Variants in CELSR1 observed in about 807,000 individuals in gnomAD.
The protein encoded by CELSR1 is adhesion G protein-coupled receptor C1.
CELSR1 carries 110 observed loss-of-function variants against 249.1 expected under a neutral mutation model. The observed-to-expected ratio is 0.44, with a 90% confidence interval of 0.38 to 0.52. The LOEUF (loss-of-function observed/expected upper bound fraction) is 0.52. Ranked by LOEUF, CELSR1 falls within the 20% of genes least tolerant of loss-of-function variation. The pLI is 0.00. For missense variants in CELSR1, 4,109 were observed against 4,296.4 expected (o/e 0.96, Z 1.22); for synonymous variants, 2,113 against 1,900.0 (o/e 1.11, Z -2.92).
At chr22:46,385,946 G>A (rs1027995408) in intron 19 of CELSR1, among the ~76,000 whole-genome samples, 2 of 149,490 alleles carry the variant, frequency 1.3e-5, no homozygotes, top group African/African-American at 5.0e-5. Context: ...CAAATTGCTG[G>A]GATTACAGGC....
At chr22:46,467,666 C>T (rs2080111351) in intron 1 of CELSR1, among the ~76,000 whole-genome samples, 2 of 151,786 alleles carry the variant, frequency 1.3e-5, no homozygotes, top group African/African-American at 2.4e-5. Context: ...ACTAACAATA[C>T]AAAAAATTAG....
intron 1 of CELSR1, among the ~76,000 whole-genome samples, chr22:46,465,643 C>T (rs1052315686): frequency 1.1e-4 from 16 of 152,216 alleles, no homozygotes; most frequent in Non-Finnish European, 1.5e-5. Context: ...CCGCACCCGG[C>T]GCTTTCCCAG....
At position 46,428,149 on chromosome 22, in the gene CELSR1, C is replaced by A. The variant is rs373234918; in HGVS notation, c.4611+5244G>T. 3.2e-3 allele frequency among the ~76,000 whole-genome samples: 485 copies of A among 152,330 alleles called. 2 individuals are homozygous for A. Among genetic ancestry groups the A allele is most frequent in the African/African-American group, 0.011 (468 of 41,576 alleles). ...TCAACAGAAGCAGAGGCCGGTCCTC[C>A]GGTTTGTTGCAACCGGGCCTCATGC... On this transcript the variant is annotated intron_variant, in intron 5 of 34. Transcript: ENST00000674500. The surrounding 1 kb of genome is among the most constrained non-coding windows in gnomAD (Gnocchi z 5.7).
At chr22:46,530,644 T>C (rs1300153182) in intron 1 of CELSR1, 1 of 152,236 alleles carries the variant, frequency 6.6e-6, no homozygotes, top group East Asian at 1.9e-4. Context: ...TATTTGAATT[T>C]CACTATCTTC....
intron 2 of CELSR1, among the ~76,000 whole-genome samples, chr22:46,456,386 A>G (rs545520281): frequency 1.0e-3 from 153 of 152,322 alleles, no homozygotes; most frequent in Non-Finnish European, 1.5e-3. Context: ...TAGGCCGGGC[A>G]CGGTGGCTCA....
At chr22:46,466,858 C>T (rs548584301) in intron 1 of CELSR1, among the ~76,000 whole-genome samples, 5 of 152,204 alleles carry the variant, frequency 3.3e-5, no homozygotes, top group South Asian at 2.1e-4. Context: ...GATGAGGTGA[C>T]GAGGGTGGGG....
intron 1 of CELSR1, among the ~76,000 whole-genome samples, chr22:46,503,771 G>A (rs1302801245): frequency 2.6e-5 from 4 of 152,304 alleles, no homozygotes; most frequent in South Asian, 2.1e-4. Flanking sequence ...GTCTCACGCC[G>A]GTAATCCCAG....
rs556357746 is a variant in CELSR1 at position 46,456,661 on chromosome 22, T to TAA, written c.4183+7044_4183+7045dup. On this transcript the variant is annotated intron_variant, in intron 2 of 34. Coordinates refer to ENST00000674500, the MANE Select transcript of CELSR1 (RefSeq NM_001378328.1). ...CTGGGCGACAGAGCGAGACTCTGTCTAAAAAAAAAAAAAAAAAAAAAAAAA... is the reference window on the plus strand; with the variant it reads ...CTGGGCGACAGAGCGAGACTCTGTCTAAAAAAAAAAAAAAAAAAAAAAAAAAA... Among the ~76,000 whole-genome samples, 69 of 60,250 alleles carry TAA rather than the reference T, an allele frequency of 1.1e-3. 1 individual carries two copies. The highest frequency in any genetic ancestry group is 0.012 in the Middle Eastern group (1 of 86). The allele number at this position is 60,250 out of a possible 152,430, so 39.5% of individuals were successfully genotyped here.
intron 1 of CELSR1, among the ~76,000 whole-genome samples, chr22:46,476,706 T>C (rs534538418): frequency 1.1e-4 from 16 of 151,934 alleles, no homozygotes; most frequent in Non-Finnish European, 2.2e-4. Flanking sequence ...ATAATCATGA[T>C]TTCATTGATA....
In CELSR1 at chr22:46,412,106, A is replaced by G. The variant is rs1430359176; in HGVS notation, c.4612-347T>C. Among the ~76,000 whole-genome samples the G allele has an allele frequency of 6.6e-6, 1 of 152,214 alleles. No individual in the cohort carries two copies. The highest frequency in any genetic ancestry group is 1.9e-4 in the East Asian group (1 of 5,188). The stretch of plus-strand genomic sequence containing the variant: ...TGCTGAGATGCAAAGGCACACAGGG[A>G]GAAGCTGCGTGACCGCGGAGGCAGC... On this transcript the variant is annotated intron_variant, in intron 5 of 34. Coordinates refer to ENST00000674500, the MANE Select transcript of CELSR1 (RefSeq NM_001378328.1). The surrounding 1 kb of genome is among the most constrained non-coding windows in gnomAD (Gnocchi z 4.5).
chr22:46,492,277 T>C (rs1345493166), intron 1 of CELSR1, among the ~76,000 whole-genome samples: 2 of 152,316 alleles, frequency 1.3e-5, no homozygotes, highest in East Asian at 1.9e-4. Context: ...CACTTCTCAT[T>C]GTAAAATTCT....
chr22:46,503,535 A>G (rs2080485900), intron 1 of CELSR1, among the ~76,000 whole-genome samples: 1 of 152,240 alleles, frequency 6.6e-6, no homozygotes, highest in Non-Finnish European at 1.5e-5. Context: ...AACTGCATCC[A>G]GCGAGAGGAA....
chr22:46,449,321 C>T (rs531151017), intron 2 of CELSR1, among the ~76,000 whole-genome samples: 23 of 151,004 alleles, frequency 1.5e-4, no homozygotes, highest in Non-Finnish European at 2.9e-4. Flanking sequence ...ATCCATCCAT[C>T]CATCCATCCA....
Position 46,448,139 on chromosome 22 carries a change from G to A in CELSR1, c.4184-8728C>T, listed in dbSNP as rs1209318424. On this transcript the variant is annotated intron_variant, in intron 2 of 34. Transcript: ENST00000674500. This position sits in a 1 kb window ranked among gnomAD's most constrained non-coding sequence, Gnocchi z 5.7. ...CTGGCTTCACAGGGCTTCAGCAAAC[G>A]GCTTACCTGCTGCAGGCGGGGGCTG... Among the ~76,000 whole-genome samples the A allele has an allele frequency of 6.6e-6, 1 of 152,210 alleles. No homozygotes were observed. The highest frequency in any genetic ancestry group is 1.5e-5 in the Non-Finnish European group (1 of 68,038).
rs1228071024 is a variant in CELSR1, at chr22:46,401,049, C to T, written c.5227-1147G>A. Among the ~76,000 whole-genome samples, 1 of 152,022 alleles carries T rather than the reference C, an allele frequency of 6.6e-6. No individual in the cohort carries two copies. The highest frequency in any genetic ancestry group is 6.6e-5 in the Admixed American group (1 of 15,258). On this transcript the variant is annotated intron_variant, in intron 9 of 34. Coordinates refer to ENST00000674500, the MANE Select transcript of CELSR1 (RefSeq NM_001378328.1). This position sits in a 1 kb window ranked among gnomAD's most constrained non-coding sequence, Gnocchi z 4.7. The stretch of plus-strand genomic sequence containing the variant: ...TTATTCTACGGGAAAAAGGATCAAT[C>T]GCTTCATGGAGGTCAAGTAAGGGAA...
Position 46,367,131 on chromosome 22 carries a change from A to C in CELSR1, c.8080-13T>G, listed in dbSNP as rs1292253663. The stretch of plus-strand genomic sequence containing the variant: ...GGACGAAGGGGCCCTGGAGGGAGGA[A>C]GGTGGGGTCAGCACCTGCTGCTGCC... On this transcript the variant is annotated splice_polypyrimidine_tract_variant and intron_variant, in intron 28 of 34. Transcript: ENST00000674500. 1 of 1,608,618 alleles carries C rather than the reference A, an allele frequency of 6.2e-7. No homozygotes were observed. The highest frequency in any genetic ancestry group is 8.5e-7 in the Non-Finnish European group (1 of 1,178,710).
chr22:46,378,176 A>T (rs1427729522), intron 23 of CELSR1, among the ~76,000 whole-genome samples: 2 of 152,178 alleles, frequency 1.3e-5, no homozygotes, highest in Non-Finnish European at 2.9e-5. Flanking sequence ...GCCCCGAGGG[A>T]GAGCGCCCAG....
At chr22:46,439,164 G>C (rs2079706763) in intron 3 of CELSR1, 25 bp downstream of exon 3, 5 of 1,597,996 alleles carry the variant, frequency 3.1e-6, no homozygotes, top group Non-Finnish European at 3.4e-6. Context: ...AGACCCCCGT[G>C]TGGCGCGGCG....
intron 2 of CELSR1, among the ~76,000 whole-genome samples, chr22:46,449,469 C>A (rs534509940): frequency 4.0e-5 from 6 of 151,408 alleles, no homozygotes; most frequent in African/African-American, 1.5e-4. Context: ...CATCAACCCA[C>A]CCACCCAACT....
Sources: gnomAD v4.1 joint callset for allele counts (sites outside exome capture counted in the v4.1 genomes callset) on GRCh38, gnomAD v4.1.1 for gene constraint, Gnocchi (gnomAD v3.1) non-coding constraint, MANE v1.5 for transcripts, NCBI Gene and HGNC (gene_info 2026-07-23, HGNC 2026-07-21) for gene names.